The following UVRAG variants were observed in gnomAD, a reference collection of about 807,000 sequenced individuals.
The protein encoded by UVRAG is UV radiation resistance associated.
In UVRAG, 19 loss-of-function variants were observed where a neutral mutation model predicts 78.0. The observed-to-expected ratio is 0.24, with a 90% CI of 0.17 to 0.36. The LOEUF (loss-of-function observed/expected upper bound fraction) is 0.36. Ranked by LOEUF, UVRAG falls within the 10% of genes least tolerant of loss-of-function variation. UVRAG has a pLI of 1.00. For missense variants in UVRAG, 740 were observed against 853.8 expected (o/e 0.87, Z 1.66); for synonymous variants, 323 against 324.6 (o/e 1.00, Z 0.05).
At chr11:76,008,692 A>T in intron 10 of UVRAG, 115 bp from the exon 11 acceptor site, 1 of 516,164 alleles carries the variant, frequency 1.9e-6, no homozygotes, top group East Asian at 3.0e-5. Context: ...AACAATTATG[A>T]TAATACTTGG....
intron 1 of UVRAG, among the ~76,000 whole-genome samples, chr11:75,828,308 A>G (rs1341552381): frequency 6.6e-6 from 1 of 152,062 alleles, no homozygotes; most frequent in Non-Finnish European, 1.5e-5. Context: ...ATACACTTCT[A>G]TCAAAAACGT....
intron 8 of UVRAG, among the ~76,000 whole-genome samples, chr11:75,992,516 C>G (rs184157828): frequency 4.6e-5 from 7 of 152,130 alleles, no homozygotes; most frequent in Non-Finnish European, 8.8e-5. Flanking sequence ...AGAAAGAGTG[C>G]TGCTGTTGGC....
At chr11:75,861,676 A>C in intron 2 of UVRAG, 70 bp from the exon 3 acceptor site, 2 of 1,094,846 alleles carry the variant, frequency 1.8e-6, no homozygotes, top group Non-Finnish European at 2.7e-6. Flanking sequence ...AAAAAATTAG[A>C]GGATTAACAG....
rs755964555 is a variant in UVRAG at position 76,007,494 on chromosome 11, A to C, written c.912-40A>C. 4 of 1,449,040 alleles carry C rather than the reference A, an allele frequency of 2.8e-6. No homozygotes were observed. In the Admixed American group the frequency reaches 5.2e-5, roughly 19 times the overall value. 89.8% of individuals were successfully genotyped at this position (1,449,040 alleles called of 1,614,324 possible). On this transcript the variant is annotated intron_variant, in intron 9 of 14. Coordinates refer to ENST00000356136, the MANE Select transcript of UVRAG (RefSeq NM_003369.4). ...AATAAATGTTACAAAGCATGCAAGCATATATTTTTTAATAAATGTATTTTT... is the reference window on the plus strand; with the variant it reads ...AATAAATGTTACAAAGCATGCAAGCCTATATTTTTTAATAAATGTATTTTT...
rs146122619 is a variant in UVRAG, at chr11:75,897,871, A to ATTTTTTTTTTTTTTTTT, written c.507+8970_507+8986dup. 2.8e-4 allele frequency among the ~76,000 whole-genome samples: 31 copies of ATTTTTTTTTTTTTTTTT among 108,886 alleles called. 3 individuals are homozygous for ATTTTTTTTTTTTTTTTT. Among genetic ancestry groups the ATTTTTTTTTTTTTTTTT allele is most frequent in the African/African-American group, 8.9e-4 (22 of 24,742 alleles). 71.4% of individuals were successfully genotyped at this position (108,886 alleles called of 152,430 possible). ...ATATACTTACCTTCATAGCTCTTTA[A>ATTTTTTTTTTTTTTTTT]TTTTTTTTTTTTTTTTTTGGACAAG... On this transcript the variant is annotated intron_variant, in intron 5 of 14. Transcript: ENST00000356136.
chr11:76,015,903 T>C (rs1022760206), intron 11 of UVRAG, among the ~76,000 whole-genome samples: 9 of 152,262 alleles, frequency 5.9e-5, no homozygotes, highest in Non-Finnish European at 1.5e-5. Flanking sequence ...ATGTGTTAAA[T>C]GTTTTAGTGT....
At chr11:75,976,145 T>C (rs1482269780) in intron 7 of UVRAG, among the ~76,000 whole-genome samples, 8 of 152,328 alleles carry the variant, frequency 5.3e-5, no homozygotes, top group Admixed American at 2.0e-4. Context: ...TTGTCTTTGG[T>C]TCTGTTTATA....
At chr11:76,105,719 G>A (rs749291476) in intron 13 of UVRAG, among the ~76,000 whole-genome samples, 8 of 152,158 alleles carry the variant, frequency 5.3e-5, no homozygotes, top group Non-Finnish European at 7.4e-5. Flanking sequence ...CTGCACTCCA[G>A]CCTGAGTGAT....
At chr11:75,844,479 C>T (rs1209222370) in intron 1 of UVRAG, among the ~76,000 whole-genome samples, 1 of 152,006 alleles carries the variant, frequency 6.6e-6, no homozygotes, top group Non-Finnish European at 1.5e-5. Context: ...CCTGCCTCGG[C>T]CTCCCAAAAT....
At chr11:76,081,666 G>A (rs369093611) in intron 13 of UVRAG, among the ~76,000 whole-genome samples, 8 of 151,574 alleles carry the variant, frequency 5.3e-5, no homozygotes, top group African/African-American at 9.7e-5. Flanking sequence ...ATAATAAACC[G>A]GTTACTCTTA....
At chr11:75,942,176 T>C (rs561441680) in intron 6 of UVRAG, 5 of 153,052 alleles carry the variant, frequency 3.3e-5, no homozygotes, top group African/African-American at 9.6e-5. Flanking sequence ...CAATCCCATC[T>C]TACTGCTTCA....
chr11:75,882,339 C>T (rs1006486224), intron 4 of UVRAG, among the ~76,000 whole-genome samples: 1 of 151,850 alleles, frequency 6.6e-6, no homozygotes, highest in Non-Finnish European at 1.5e-5. Flanking sequence ...CATGGCAAAC[C>T]CTGTCTCTAC....
chr11:76,018,829 G>C (rs1950193128), intron 12 of UVRAG, among the ~76,000 whole-genome samples: 1 of 152,120 alleles, frequency 6.6e-6, no homozygotes, highest in South Asian at 2.1e-4. Context: ...AGTCTTCTTT[G>C]AGTTAAATCT....
chr11:75,902,917 T>G (rs973124037), intron 5 of UVRAG, among the ~76,000 whole-genome samples: 5 of 152,184 alleles, frequency 3.3e-5, no homozygotes, highest in African/African-American at 1.2e-4. Context: ...GATGCTTTCG[T>G]TTTTTATTCC....
chr11:75,855,007 T>C (rs1946256171), intron 2 of UVRAG, among the ~76,000 whole-genome samples: 1 of 152,204 alleles, frequency 6.6e-6, no homozygotes, highest in Non-Finnish European at 1.5e-5. Context: ...TTAACACCAG[T>C]ACTTAGCGCA....
chr11:76,002,215 TC>T, intron 8 of UVRAG, among the ~76,000 whole-genome samples: 1 of 152,304 alleles, frequency 6.6e-6, no homozygotes, highest in African/African-American at 2.4e-5. Context: ...AATACTTAGT[TC>T]TTCTCTATCT....
chr11:76,138,587 A>G (rs1243737414), intron 14 of UVRAG, among the ~76,000 whole-genome samples: 2 of 152,294 alleles, frequency 1.3e-5, no homozygotes, highest in South Asian at 2.1e-4. Flanking sequence ...CCTGTTTCTC[A>G]TGCCCTGCCT....
intron 2 of UVRAG, among the ~76,000 whole-genome samples, chr11:75,861,400 C>T (rs1946418813): frequency 6.6e-6 from 1 of 152,122 alleles, no homozygotes. Context: ...TTGAGAAAAA[C>T]AGAGCGGATG....
chr11:76,002,895 G>T (rs1478989335), intron 8 of UVRAG, among the ~76,000 whole-genome samples: 2 of 152,106 alleles, frequency 1.3e-5, no homozygotes, highest in Non-Finnish European at 2.9e-5. Context: ...GGACAACATG[G>T]TGAAACCCTA....
Sources: allele counts gnomAD v4.1 joint callset (sites outside exome capture counted in the v4.1 genomes callset), GRCh38; gene constraint gnomAD v4.1.1; transcripts MANE v1.5; gene names NCBI Gene and HGNC (gene_info 2026-07-23, HGNC 2026-07-21).